GRIK2: variants seen among roughly 807,000 people sequenced by gnomAD.
The protein encoded by GRIK2 is glutamate ionotropic receptor kainate type subunit 2.
A neutral mutation model predicts 100.3 loss-of-function variants in GRIK2; 32 were observed. The ratio of observed to expected loss-of-function variants is 0.32; its 90% CI spans 0.24 to 0.43. The LOEUF (loss-of-function observed/expected upper bound fraction) is 0.43, where lower values mean the gene tolerates loss of function less well. GRIK2 is among the 20% of genes least tolerant of loss of function. The probability of loss-of-function intolerance (pLI) is 1.00; values close to 1 mark genes in which losing one functional copy is unlikely to be tolerated. For missense variants in GRIK2, 843 were observed against 1,114.9 expected (o/e 0.76, Z 3.47); for synonymous variants, 417 against 389.4 (o/e 1.07, Z -0.83).
chr6:101,493,727 CTT>C (rs1265486974), intron 2 of GRIK2, among the ~76,000 whole-genome samples: 2 of 151,486 alleles, frequency 1.3e-5, no homozygotes, highest in African/African-American at 4.8e-5. Flanking sequence ...AGTTTGCAGT[CTT>C]TGCCTCTATA....
chr6:101,518,159 TTAAGAC>T (rs1443635499), intron 2 of GRIK2, among the ~76,000 whole-genome samples: 3 of 152,274 alleles, frequency 2.0e-5, no homozygotes, highest in Non-Finnish European at 4.4e-5. Context: ...TGCGTTTTGT[TTAAGAC>T]TAATATGTTG....
chr6:101,410,431 C>T (rs1775834685), intron 2 of GRIK2, among the ~76,000 whole-genome samples: 1 of 151,990 alleles, frequency 6.6e-6, no homozygotes, highest in Non-Finnish European at 1.5e-5. Context: ...TTTTCTGGTG[C>T]TTACTTTTTA....
chr6:101,627,089 ATGTGTG>A (rs377491038), intron 4 of GRIK2, among the ~76,000 whole-genome samples: 23 of 147,622 alleles, frequency 1.6e-4, no homozygotes, highest in African/African-American at 5.5e-4. Context: ...ATATTGAATA[ATGTGTG>A]TGTGTGTGCG....
At chr6:101,874,600 G>T (rs1268510867) in intron 11 of GRIK2, among the ~76,000 whole-genome samples, 2 of 152,190 alleles carry the variant, frequency 1.3e-5, no homozygotes, top group South Asian at 4.2e-4. Flanking sequence ...GGTGCCATAT[G>T]AATTTTAAAG....
At position 102,057,549 on chromosome 6, in the gene GRIK2, G is replaced by A. The variant is rs540023661; in HGVS notation, c.2562+1969G>A. Among the ~76,000 whole-genome samples the A allele has an allele frequency of 2.6e-5, 4 of 151,952 alleles. No individual in the cohort carries two copies. In the East Asian group the frequency reaches 5.8e-4, roughly 22 times the overall value. ...ATAAAATTAATGTACCTTTTCAAAC[G>A]GAAACAATGAAGCATTAACATTGCA... is the stretch of plus-strand genomic sequence containing the variant. On this transcript the variant is annotated intron_variant, in intron 16 of 16. Coordinates refer to ENST00000369134, the MANE Select transcript of GRIK2 (RefSeq NM_021956.5).
chr6:101,764,908 CTG>C (rs561704365), intron 7 of GRIK2, among the ~76,000 whole-genome samples: 1 of 151,750 alleles, frequency 6.6e-6, no homozygotes. Flanking sequence ...CTTCATTTTT[CTG>C]TGTGTGTGTG....
chr6:101,793,005 C>G (rs1260931833), intron 7 of GRIK2, among the ~76,000 whole-genome samples: 1 of 152,166 alleles, frequency 6.6e-6, no homozygotes, highest in Non-Finnish European at 1.5e-5. Context: ...CGCATCGGCT[C>G]CTGAGGCTTC....
chr6:101,502,337 A>C (rs533174911), intron 2 of GRIK2, among the ~76,000 whole-genome samples: 1 of 152,128 alleles, frequency 6.6e-6, no homozygotes, highest in Non-Finnish European at 1.5e-5. Context: ...ACACACATAC[A>C]CAAAGATGTT....
intron 7 of GRIK2, among the ~76,000 whole-genome samples, chr6:101,793,171 G>C (rs898767810): frequency 1.3e-5 from 2 of 152,128 alleles, no homozygotes; most frequent in Non-Finnish European, 2.9e-5. Context: ...CTGTAGCTCG[G>C]AGTAGTTTGA....
chr6:102,069,295 A>AAATAATAATAATAAT lies in GRIK2; in HGVS notation c.*814_*828dup, dbSNP rs141426024. On this transcript the variant is annotated 3_prime_UTR_variant, in exon 17 of 17. Coordinates refer to ENST00000369134, the MANE Select transcript of GRIK2 (RefSeq NM_021956.5). ...ACCTTTTCTCTAACCCCCATATCCC[A>AAATAATAATAATAAT]AATAATAATAATAATAATAATAATA... The AAATAATAATAATAAT allele has an allele frequency of 2.2e-5, 3 of 139,494 alleles. No homozygotes were observed. Among genetic ancestry groups the AAATAATAATAATAAT allele is most frequent in the South Asian group, 2.3e-4 (1 of 4,338 alleles). 8.6% of individuals were successfully genotyped at this position (139,494 alleles called of 1,614,324 possible). A position where few individuals can be genotyped will look rare whatever the true frequency, so the allele number is the denominator to read the frequency against.
At chr6:101,994,889 G>C (rs1009815386) in intron 14 of GRIK2, among the ~76,000 whole-genome samples, 2 of 151,712 alleles carry the variant, frequency 1.3e-5, no homozygotes. Context: ...ATAGAAGTAG[G>C]CTATACCCAG....
chr6:101,650,065 T>C (rs1288220885), intron 4 of GRIK2, among the ~76,000 whole-genome samples: 1 of 152,130 alleles, frequency 6.6e-6, no homozygotes, highest in Non-Finnish European at 1.5e-5. Flanking sequence ...CAAATTACTG[T>C]TTCCTTTGAC....
intron 4 of GRIK2, among the ~76,000 whole-genome samples, chr6:101,656,328 T>C (rs1418253633): frequency 7.0e-6 from 1 of 143,604 alleles, no homozygotes. Context: ...AAAAAAGAAA[T>C]GATAAATGAC....
At chr6:101,445,155 A>G (rs974199665) in intron 2 of GRIK2, among the ~76,000 whole-genome samples, 1 of 152,008 alleles carries the variant, frequency 6.6e-6, no homozygotes, top group Non-Finnish European at 1.5e-5. Context: ...TCAATAACTT[A>G]AGGACTTGGT....
intron 14 of GRIK2, among the ~76,000 whole-genome samples, 156 bp from the exon 15 acceptor site, chr6:102,035,185 C>T (rs73761675): frequency 0.099 from 12,069 of 122,374 alleles, 1,667 homozygotes; most frequent in African/African-American, 0.34. Flanking sequence ...CAGATTCAGA[C>T]TTTTTTGGTA....
chr6:102,043,888 T>TTTCA (rs1770733910), intron 15 of GRIK2, among the ~76,000 whole-genome samples: 1 of 123,760 alleles, frequency 8.1e-6, no homozygotes, highest in African/African-American at 2.8e-5. Flanking sequence ...TATAAGGAGT[T>TTTCA]TTCACTTTTA....
At chr6:101,767,277 C>A (rs1195931482) in intron 7 of GRIK2, among the ~76,000 whole-genome samples, 2 of 152,092 alleles carry the variant, frequency 1.3e-5, no homozygotes, top group Non-Finnish European at 2.9e-5. Context: ...GTAATCAATT[C>A]ACCTTTTTTT....
At chr6:102,046,570 C>T (rs1355053658) in intron 15 of GRIK2, among the ~76,000 whole-genome samples, 1 of 152,082 alleles carries the variant, frequency 6.6e-6, no homozygotes, top group African/African-American at 2.4e-5. Context: ...TTGTAAGTTT[C>T]CTGAGGCCTC....
intron 14 of GRIK2, among the ~76,000 whole-genome samples, chr6:102,005,731 T>C (rs1795182645): frequency 6.6e-6 from 1 of 152,168 alleles, no homozygotes; most frequent in Non-Finnish European, 1.5e-5. Context: ...AAATATATTT[T>C]ATTTCTTATC....
Sources: allele counts gnomAD v4.1 joint callset (sites outside exome capture counted in the v4.1 genomes callset), GRCh38; gene constraint gnomAD v4.1.1; transcripts MANE v1.5; gene names NCBI Gene and HGNC (gene_info 2026-07-23, HGNC 2026-07-21).